The following ZNF334 variants were observed in gnomAD, a reference collection of about 807,000 sequenced individuals.
The protein encoded by ZNF334 is zinc finger protein 334.
A neutral mutation model predicts 12.4 loss-of-function variants in ZNF334; 14 were observed. That is an observed-to-expected ratio of 1.13 (90% confidence interval 0.74 to 1.76). The LOEUF is 1.76. Among genes scored for constraint, ZNF334 ranks in the 40% most tolerant of loss-of-function variants. The pLI, the probability that ZNF334 is intolerant of heterozygous loss-of-function variation, is 0.00. For synonymous variants in ZNF334, 273 were observed against 269.6 expected (o/e 1.01, Z -0.12); for missense variants, 797 against 804.5 (o/e 0.99, Z 0.11).
chr20:46,496,343 G>A (rs1378840151), downstream of ZNF334, among the ~76,000 whole-genome samples: 1 of 152,146 alleles, frequency 6.6e-6, no homozygotes, highest in Admixed American at 6.5e-5. Context: ...TTCATTTTGA[G>A]GATCTGTTTC....
the ZNF334 span, among the ~76,000 whole-genome samples, chr20:46,462,859 C>T: frequency 6.6e-6 from 1 of 152,222 alleles, no homozygotes; most frequent in Non-Finnish European, 1.5e-5. Context: ...CACACTCACA[C>T]ACACCAAGCT....
the ZNF334 span, chr20:46,474,707 G>C: frequency 2.0e-5 from 3 of 152,180 alleles, no homozygotes; most frequent in African/African-American, 7.2e-5. Flanking sequence ...AAGAATTATT[G>C]TTAAGACTAA....
chr20:46,462,893 G>T, the ZNF334 span, among the ~76,000 whole-genome samples: 1 of 152,120 alleles, frequency 6.6e-6, no homozygotes, highest in South Asian at 2.1e-4. Flanking sequence ...TTGCAACTCT[G>T]CATTGATTTT....
chr20:46,502,585 G>A lies in ZNF334; in HGVS notation c.754C>T (p.Leu252Phe), dbSNP rs1487385152. The A allele has an allele frequency of 1.2e-6, 2 of 1,613,816 alleles. No homozygotes were observed. Among genetic ancestry groups the A allele is most frequent in the Admixed American group, 1.7e-5 (1 of 60,004 alleles). The change falls in exon 5 of 5, where the codon CTC becomes TTC. Residue 252 changes from leucine (L) to phenylalanine (F), a missense_variant. Coordinates refer to ENST00000692313, the MANE Select transcript of ZNF334 (RefSeq NM_001353824.2). The stretch of plus-strand genomic sequence containing the variant: ...GTATGAATTCTCTGATGTACAATGA[G>A]GGTAGATCTCTTAGAAAAGGTTTTC... ...CRKTFSKRST[L>F]IVHQRIHTGE...
chr20:46,485,298 C>T, the ZNF334 span, among the ~76,000 whole-genome samples: 98 of 152,202 alleles, frequency 6.4e-4, no homozygotes, highest in African/African-American at 2.3e-3. Flanking sequence ...GGACAGTAAA[C>T]GGTGTGCTGG....
the ZNF334 span, among the ~76,000 whole-genome samples, chr20:46,481,815 G>C: frequency 5.3e-4 from 81 of 152,190 alleles, no homozygotes; most frequent in African/African-American, 1.9e-3. Flanking sequence ...AAAATAGAAG[G>C]CCAGATACAC....
In ZNF334 at chr20:46,513,534, T is replaced by G. The variant is rs1417274499; in HGVS notation, c.-1033A>C. 6.6e-6 allele frequency: 1 copy of G among 152,324 alleles called. No individual in the cohort carries two copies. Among genetic ancestry groups the G allele is most frequent in the Non-Finnish European group, 1.5e-5 (1 of 68,144 alleles). The allele number at this position is 152,324 out of a possible 1,614,324, so 9.4% of individuals were successfully genotyped here. ...TCGGCGGGACCAGGGATTCACGGGC[T>G]GCAGGACCCTCACCCGGAAGAGCCT... On this transcript the variant is annotated 5_prime_UTR_variant, in exon 1 of 5. Transcript: ENST00000692313.
downstream of ZNF334, among the ~76,000 whole-genome samples, chr20:46,498,941 G>A (rs1488554003): frequency 2.0e-5 from 3 of 152,104 alleles, no homozygotes; most frequent in African/African-American, 4.8e-5. Context: ...TTGGGAGGCC[G>A]AGGCGGGCGG....
rs1264746914 is a variant in ZNF334 at position 46,499,768 on chromosome 20, C to T, written c.*1528G>A. 2 of 152,158 alleles carry T rather than the reference C, an allele frequency of 1.3e-5. No homozygotes were observed. The highest frequency in any genetic ancestry group is 1.3e-4 in the Admixed American group (2 of 15,278). 9.4% of individuals were successfully genotyped at this position (152,158 alleles called of 1,614,324 possible). On this transcript the variant is annotated 3_prime_UTR_variant, in exon 5 of 5. Coordinates refer to ENST00000692313, the MANE Select transcript of ZNF334 (RefSeq NM_001353824.2). ...AGAGCAAGATCAGTATACACATACA[C>T]ATACATTTAAACATATGTATATACT... is the stretch of plus-strand genomic sequence containing the variant.
intron 2 of ZNF334, 105 bp from the exon 3 acceptor site, chr20:46,504,845 G>C: frequency 9.8e-7 from 1 of 1,018,832 alleles, no homozygotes; most frequent in South Asian, 2.3e-5. Flanking sequence ...GAAAGCTATA[G>C]AGAGATGTAA....
At chr20:46,481,536 G>C in the ZNF334 span, among the ~76,000 whole-genome samples, 2 of 152,176 alleles carry the variant, frequency 1.3e-5, no homozygotes. Flanking sequence ...TGAAGAATAG[G>C]AGTCCCTGGG....
chr20:46,464,422 G>T, the ZNF334 span: 2 of 507,552 alleles, frequency 3.9e-6, no homozygotes, highest in Admixed American at 2.1e-5. Flanking sequence ...AGCTGGAGAG[G>T]ATCCCAAAGC....
chr20:46,490,516 T>G, the ZNF334 span, among the ~76,000 whole-genome samples: 1 of 152,250 alleles, frequency 6.6e-6, no homozygotes, highest in African/African-American at 2.4e-5. Context: ...TTTCACGTGA[T>G]TCTTTTTAGG....
chr20:46,512,418 T>C (rs2061686363), intron 1 of ZNF334, 122 bp downstream of exon 1: 1 of 247,708 alleles, frequency 4.0e-6, no homozygotes, highest in African/African-American at 2.3e-5. Flanking sequence ...TGAGTCCAAT[T>C]AATAGGAGAC....
the ZNF334 span, among the ~76,000 whole-genome samples, chr20:46,488,419 T>TTATATATATATATATATATA: frequency 3.1e-3 from 316 of 102,100 alleles, 4 homozygotes; most frequent in East Asian, 0.011. Flanking sequence ...AGCTCTTATT[T>TTATATATATATATATATATA]TATATATATA....
Position 46,501,092 on chromosome 20 carries a change from C to T in ZNF334, c.*204G>A, listed in dbSNP as rs921434117. The stretch of plus-strand genomic sequence containing the variant: ...ATTGCTGTTGAATATTTTCATAGTT[C>T]ACAATGAATAATACATTTATTAAAC... On this transcript the variant is annotated 3_prime_UTR_variant, in exon 5 of 5. Transcript: ENST00000692313. 3.3e-5 allele frequency: 19 copies of T among 569,086 alleles called. No homozygotes were observed. The highest frequency in any genetic ancestry group is 5.0e-5 in the Non-Finnish European group (17 of 342,876). 35.3% of individuals were successfully genotyped at this position (569,086 alleles called of 1,614,324 possible).
At chr20:46,464,564 C>T in the ZNF334 span, 1 of 422,244 alleles carries the variant, frequency 2.4e-6, no homozygotes, top group Admixed American at 3.0e-5. Context: ...TTTTTATATG[C>T]TGTGGTCTCT....
chr20:46,473,833 T>C, the ZNF334 span, among the ~76,000 whole-genome samples: 1 of 152,236 alleles, frequency 6.6e-6, no homozygotes. Flanking sequence ...GAGCATGTTT[T>C]ATAATCAATT....
At chr20:46,481,368 T>C in the ZNF334 span, 1 of 152,224 alleles carries the variant, frequency 6.6e-6, no homozygotes, top group Admixed American at 6.5e-5. Flanking sequence ...AACAAACTGC[T>C]CAAGGTCTGA....
Sources: gnomAD v4.1 joint callset for allele counts (sites outside exome capture counted in the v4.1 genomes callset) on GRCh38, gnomAD v4.1.1 for gene constraint, MANE v1.5 for transcripts, NCBI Gene and HGNC (gene_info 2026-07-23, HGNC 2026-07-21) for gene names.